The following DNM3 variants were observed in gnomAD, a reference collection of about 807,000 sequenced individuals.
DNM3 encodes dynamin 3.
In DNM3, 47 loss-of-function variants were observed where a neutral mutation model predicts 101.6. That is an observed-to-expected ratio of 0.46 (90% CI 0.37 to 0.59). The LOEUF (loss-of-function observed/expected upper bound fraction) is 0.59. Ranked by LOEUF, DNM3 falls within the 20% of genes least tolerant of loss-of-function variation. DNM3 has a pLI of 0.00. For missense variants in DNM3, 849 were observed against 1,085.7 expected (o/e 0.78, Z 3.06); for synonymous variants, 385 against 387.9 (o/e 0.99, Z 0.09).
At chr1:171,875,077 C>T (rs1399309784) in intron 1 of DNM3, among the ~76,000 whole-genome samples, 2 of 152,098 alleles carry the variant, frequency 1.3e-5, no homozygotes, top group Non-Finnish European at 2.9e-5. Flanking sequence ...TGTTGATGGG[C>T]ACCCAGGTTG....
chr1:172,157,712 T>C (rs1406657123), intron 14 of DNM3, among the ~76,000 whole-genome samples: 2 of 152,104 alleles, frequency 1.3e-5, no homozygotes, highest in Non-Finnish European at 2.9e-5. Flanking sequence ...CTGCATTAGG[T>C]ATTATAAGTG....
chr1:172,273,981 G>A (rs548685728), intron 15 of DNM3, among the ~76,000 whole-genome samples: 1 of 152,056 alleles, frequency 6.6e-6, no homozygotes, highest in Non-Finnish European at 1.5e-5. Context: ...TATTGCATAA[G>A]TAAGTCTGTT....
chr1:172,176,960 T>C, intron 14 of DNM3, among the ~76,000 whole-genome samples: 1 of 151,736 alleles, frequency 6.6e-6, no homozygotes, highest in Non-Finnish European at 1.5e-5. Context: ...GAAAGCCTGC[T>C]CTAGGGCTAT....
chr1:172,161,630 C>A (rs905316241), intron 14 of DNM3, among the ~76,000 whole-genome samples: 3 of 151,952 alleles, frequency 2.0e-5, no homozygotes, highest in Non-Finnish European at 2.9e-5. Flanking sequence ...GGACTGCAAT[C>A]TGGTAATGTA....
intron 4 of DNM3, among the ~76,000 whole-genome samples, chr1:172,007,366 G>A (rs897685801): frequency 6.6e-6 from 1 of 152,060 alleles, no homozygotes; most frequent in African/African-American, 2.4e-5. Flanking sequence ...TGATGTGCAT[G>A]TCTCTGAGTG....
Position 172,239,796 on chromosome 1 carries a change from T to TTA in DNM3, c.1660-13776_1660-13775insAT, listed in dbSNP as rs2061676517. The stretch of plus-strand genomic sequence containing the variant: ...CTTTTCTCCAGCCCTGTCTTTTTTT[T>TTA]TCTCTTTTTTTTTTTTTTTTTTTTG... On this transcript the variant is annotated intron_variant, in intron 14 of 20. Coordinates refer to ENST00000627582, the MANE Select transcript of DNM3 (RefSeq NM_015569.5). Among the ~76,000 whole-genome samples the TTA allele has an allele frequency of 1.1e-4, 6 of 56,154 alleles. No individual in the cohort carries two copies. The Admixed American group carries it at 1.3e-3, about 12-fold the overall frequency. The allele number at this position is 56,154 out of a possible 152,430, so 36.8% of individuals were successfully genotyped here.
At position 172,409,411 on chromosome 1, in the gene DNM3, C is replaced by A. The variant is rs1488433427; in HGVS notation, c.*1570C>A. 4 of 984,492 alleles carry A rather than the reference C, an allele frequency of 4.1e-6. No individual in the cohort carries two copies. The highest frequency in any genetic ancestry group is 4.8e-6 in the Non-Finnish European group (4 of 829,278). 61.0% of individuals were successfully genotyped at this position (984,492 alleles called of 1,614,324 possible). A position where few individuals can be genotyped will look rare whatever the true frequency, so the allele number is the denominator to read the frequency against. On this transcript the variant is annotated 3_prime_UTR_variant, in exon 21 of 21. Transcript: ENST00000627582. Reference sequence around the variant, plus strand: ...AACCATTATTAAACAGAGAACTTGCCATGTTGAGTGCCATTGTATTGAACT... The same window carrying A: ...AACCATTATTAAACAGAGAACTTGCAATGTTGAGTGCCATTGTATTGAACT...
intron 15 of DNM3, among the ~76,000 whole-genome samples, chr1:172,293,602 G>A (rs530856742): frequency 5.3e-5 from 8 of 152,246 alleles, no homozygotes; most frequent in East Asian, 3.9e-4. Flanking sequence ...AAGCTTCATC[G>A]ACAGAATTTA....
At chr1:172,265,794 A>G (rs188995603) in intron 15 of DNM3, among the ~76,000 whole-genome samples, 7 of 152,256 alleles carry the variant, frequency 4.6e-5, no homozygotes, top group Admixed American at 4.6e-4. Context: ...GGTTCAAGGT[A>G]TGTCAGCTTT....
At chr1:172,340,475 A>G (rs1166315541) in intron 17 of DNM3, among the ~76,000 whole-genome samples, 3 of 152,182 alleles carry the variant, frequency 2.0e-5, no homozygotes, top group African/African-American at 7.2e-5. Context: ...GCTTTACAAG[A>G]TCACCATTGA....
At chr1:171,889,003 C>T (rs1416261886) in intron 1 of DNM3, among the ~76,000 whole-genome samples, 1 of 151,886 alleles carries the variant, frequency 6.6e-6, no homozygotes, top group Non-Finnish European at 1.5e-5. Flanking sequence ...TGAGACAGGG[C>T]CTCTCTCTGT....
intron 15 of DNM3, among the ~76,000 whole-genome samples, chr1:172,304,870 C>T (rs1462271449): frequency 3.3e-5 from 5 of 152,124 alleles, no homozygotes; most frequent in East Asian, 1.9e-4. Flanking sequence ...ATCTCTGGGA[C>T]GCATTTAAAG....
At chr1:172,297,355 A>G (rs1182742056) in intron 15 of DNM3, among the ~76,000 whole-genome samples, 2 of 151,884 alleles carry the variant, frequency 1.3e-5, no homozygotes, top group African/African-American at 2.4e-5. Flanking sequence ...TCATTATCCT[A>G]TTGTTTCTCA....
At chr1:172,327,447 G>A (rs185295878) in intron 17 of DNM3, among the ~76,000 whole-genome samples, 3 of 152,222 alleles carry the variant, frequency 2.0e-5, no homozygotes, top group East Asian at 3.9e-4. Flanking sequence ...GTCCTTGGTC[G>A]TATGTGAGAG....
chr1:172,178,204 T>G (rs2059221291), intron 14 of DNM3, among the ~76,000 whole-genome samples: 1 of 151,912 alleles, frequency 6.6e-6, no homozygotes, highest in Admixed American at 6.6e-5. Flanking sequence ...GAGACCACTG[T>G]CATTGAAGGT....
At chr1:172,064,882 TTC>T (rs965807195) in intron 10 of DNM3, among the ~76,000 whole-genome samples, 7 of 152,186 alleles carry the variant, frequency 4.6e-5, no homozygotes, top group Admixed American at 2.0e-4. Context: ...TTCTAGTGTG[TTC>T]TCTGTTTCTT....
chr1:171,872,330 GTTTTTCCTTTT>G (rs1302330100), intron 1 of DNM3, among the ~76,000 whole-genome samples: 3 of 151,916 alleles, frequency 2.0e-5, no homozygotes, highest in African/African-American at 7.3e-5. Flanking sequence ...CCCCAAAATA[GTTTTTCCTTTT>G]TTTTTCCTTT....
chr1:172,098,014 G>A (rs1302572562), intron 13 of DNM3, among the ~76,000 whole-genome samples: 1 of 152,100 alleles, frequency 6.6e-6, no homozygotes, highest in Admixed American at 6.6e-5. Context: ...ATGGAGGCAG[G>A]GTGAGATCAC....
intron 11 of DNM3, among the ~76,000 whole-genome samples, 181 bp from the exon 12 acceptor site, chr1:172,081,651 T>G (rs1418478477): frequency 2.0e-5 from 3 of 152,220 alleles, no homozygotes; most frequent in Non-Finnish European, 4.4e-5. Flanking sequence ...GATTTTTAAC[T>G]TATGAATTTA....
Sources: gnomAD v4.1 joint callset for allele counts (sites outside exome capture counted in the v4.1 genomes callset) on GRCh38, gnomAD v4.1.1 for gene constraint, MANE v1.5 for transcripts, NCBI Gene and HGNC (gene_info 2026-07-23, HGNC 2026-07-21) for gene names.